TASOR2: variants seen among roughly 807,000 people sequenced by gnomAD.
TASOR2 encodes the protein protein TASOR 2.
Under a neutral mutation model 199.5 loss-of-function variants are expected in TASOR2, and 84 were observed. That is an observed-to-expected ratio of 0.42 (90% confidence interval 0.35 to 0.50). The LOEUF is 0.50. Ranked by LOEUF, TASOR2 falls within the 20% of genes least tolerant of loss-of-function variation. TASOR2 has a pLI of 0.02. For missense variants in TASOR2, 2,796 were observed against 2,835.9 expected, an observed-to-expected ratio of 0.99 and a Z score of 0.32; for synonymous variants, 1,103 against 1,046.6, an observed-to-expected ratio of 1.05 and a Z score of -1.04.
intron 3 of TASOR2, among the ~76,000 whole-genome samples, chr10:5,718,236 A>T (rs72774070): frequency 6.6e-6 from 1 of 151,756 alleles, no homozygotes; most frequent in Non-Finnish European, 1.5e-5. Context: ...TGAATCGTGC[A>T]ATTAGAATTT....
In TASOR2 at chr10:5,719,148, A is replaced by C. The variant is rs1386739838; in HGVS notation, c.-99-1396A>C. On this transcript the variant is annotated intron_variant, in intron 3 of 20. Coordinates refer to ENST00000328090, the Ensembl canonical transcript of TASOR2. The surrounding 1 kb of genome is among the most constrained non-coding windows in gnomAD (Gnocchi z 4.1). The stretch of plus-strand genomic sequence containing the variant: ...AGAGGCAGGACTTAAACAACAACAA[A>C]ACATCTTCTTTTTTAAAAAGTAACT... Among the ~76,000 whole-genome samples the C allele has an allele frequency of 2.0e-5, 3 of 152,064 alleles. No homozygotes were observed. The highest frequency in any genetic ancestry group is 7.2e-5 in the African/African-American group (3 of 41,390).
chr10:5,717,877 C>G (rs1319718364), intron 3 of TASOR2, 127 bp downstream of exon 4: 22 of 397,706 alleles, frequency 5.5e-5, no homozygotes, highest in Non-Finnish European at 9.5e-5. Flanking sequence ...TCAGGAAAAG[C>G]AAAACTATTT....
rs1835682896 is a variant in TASOR2 at position 5,685,295 on chromosome 10, CT to C, written c.-288+124del. On this transcript the variant is annotated intron_variant, in intron 1 of 20. Transcript: ENST00000328090. The surrounding 1 kb of genome is among the most constrained non-coding windows in gnomAD (Gnocchi z 5.4). ...GCGAGGGTCGACGCGTTCTCCTTGC[CT>C]TTTGCCGCGCTCCGGGTGAGGGGGT... 1.3e-5 allele frequency: 5 copies of C among 396,270 alleles called. No homozygotes were observed. The highest frequency in any genetic ancestry group is 2.2e-5 in the Non-Finnish European group (5 of 224,998). 24.5% of individuals were successfully genotyped at this position (396,270 alleles called of 1,614,324 possible).
At chr10:5,763,637 C>T (rs1840208181) in exon 21 of TASOR2, 1 of 151,904 alleles carries the variant, frequency 6.6e-6, no homozygotes, top group Non-Finnish European at 1.5e-5. Context: ...AGTAAACACT[C>T]AAAACCAAGC....
At chr10:5,746,606 T>C in exon 15 of TASOR2, 1 of 1,614,158 alleles carries the variant, frequency 6.2e-7, no homozygotes, top group Non-Finnish European at 8.5e-7. Flanking sequence ...AATGCACATG[T>C]ACCAATACAG....
chr10:5,709,587 T>C, intron 1 of TASOR2: 1 of 1,231,002 alleles, frequency 8.1e-7, no homozygotes, highest in Non-Finnish European at 1.0e-6. Flanking sequence ...GTATACTTGG[T>C]GAAAATGAAT....
rs71388471 is a variant in TASOR2, at chr10:5,717,027, C to CA, written c.-191-614dup. 2.0e-3 allele frequency among the ~76,000 whole-genome samples: 244 copies of CA among 124,660 alleles called. 3 individuals carry two copies. In the East Asian group the frequency reaches 0.027, roughly 14 times the overall value. 81.8% of individuals were successfully genotyped at this position (124,660 alleles called of 152,430 possible). A position where few individuals can be genotyped will look rare whatever the true frequency, so the allele number is the denominator to read the frequency against. On this transcript the variant is annotated intron_variant, in intron 2 of 20. Coordinates refer to ENST00000328090, the Ensembl canonical transcript of TASOR2. ...CAAATAACCACTGCAGCTTACATCTCAAAAAAAAAAAAAAAAAAGACGTTT... is the reference window on the plus strand; with the variant it reads ...CAAATAACCACTGCAGCTTACATCTCAAAAAAAAAAAAAAAAAAAGACGTTT...
exon 10 of TASOR2, chr10:5,727,097 A>G: frequency 5.0e-6 from 8 of 1,614,156 alleles, no homozygotes; most frequent in Non-Finnish European, 6.8e-6. Flanking sequence ...CATGGGTTAC[A>G]TTTATTTCGT....
At chr10:5,709,999 G>A (rs973825986) in intron 1 of TASOR2, among the ~76,000 whole-genome samples, 2 of 152,076 alleles carry the variant, frequency 1.3e-5, no homozygotes, top group Non-Finnish European at 2.9e-5. Context: ...AGGTTTCTTT[G>A]TGGTATAGCC....
In TASOR2 at chr10:5,740,167, A is replaced by G. The variant is rs201010984; in HGVS notation, c.1997A>G (p.Lys666Arg). Residue 666 changes from lysine (K) to arginine (R), a missense_variant, in exon 13 of 21, where the codon AAA becomes AGA. Around this residue, in one of 3 missense-constraint regions of TASOR2, gnomAD observed 847 missense variants for 887.4 expected, o/e 0.95. Coordinates refer to ENST00000328090, the Ensembl canonical transcript of TASOR2. The surrounding 1 kb of genome is among the most constrained non-coding windows in gnomAD (Gnocchi z 5.3). ...CTGCTCCTTACAGAACATTCAAAGA[A>G]ACATCTACAGGAGAGAGAGATACTA... is the stretch of plus-strand genomic sequence containing the variant. The G allele has an allele frequency of 6.0e-4, 970 of 1,614,214 alleles. 3 individuals are homozygous for G. Among genetic ancestry groups the G allele is most frequent in the Middle Eastern group, 1.3e-3 (8 of 6,062 alleles).
chr10:5,758,970 A>G, exon 18 of TASOR2: 1 of 1,613,720 alleles, frequency 6.2e-7, no homozygotes, highest in Non-Finnish European at 8.5e-7. Context: ...CAGGGAAAAT[A>G]AAAAGCTAAA....
At chr10:5,753,835 A>T (rs1838443686) in intron 15 of TASOR2, among the ~76,000 whole-genome samples, 1 of 152,126 alleles carries the variant, frequency 6.6e-6, no homozygotes, top group Non-Finnish European at 1.5e-5. Context: ...GCAATCTGGA[A>T]ATCAGTTTAG....
At chr10:5,688,834 T>C (rs957700614) in intron 1 of TASOR2, among the ~76,000 whole-genome samples, 1 of 150,756 alleles carries the variant, frequency 6.6e-6, no homozygotes, top group African/African-American at 2.5e-5. Context: ...TGAGACCCCA[T>C]CTTTACAAAA....
chr10:5,745,315 T>G (rs1422744650), intron 14 of TASOR2, among the ~76,000 whole-genome samples: 1 of 152,166 alleles, frequency 6.6e-6, no homozygotes, highest in Non-Finnish European at 1.5e-5. Flanking sequence ...TCCAGTTTCA[T>G]GCAAAGAAGA....
chr10:5,753,183 G>A (rs536280637), intron 15 of TASOR2, among the ~76,000 whole-genome samples: 1 of 152,294 alleles, frequency 6.6e-6, no homozygotes, highest in Admixed American at 6.5e-5. Context: ...GACAGTCACT[G>A]CCTTAACGTG....
intron 8 of TASOR2, 74 bp downstream of exon 9, chr10:5,724,607 C>T: frequency 6.1e-6 from 1 of 164,558 alleles, no homozygotes; most frequent in South Asian, 1.0e-4. Context: ...GCCTAGATGG[C>T]ACATATATAT....
At chr10:5,700,151 C>A (rs986955144) in intron 1 of TASOR2, among the ~76,000 whole-genome samples, 1 of 152,030 alleles carries the variant, frequency 6.6e-6, no homozygotes, top group South Asian at 2.1e-4. Context: ...TCATGAAATC[C>A]ACTTTTGTAG....
chr10:5,727,307 A>C (rs143572012), intron 10 of TASOR2, among the ~76,000 whole-genome samples, 184 bp downstream of exon 11: 221 of 152,326 alleles, frequency 1.5e-3, no homozygotes, highest in African/African-American at 5.0e-3. Context: ...TCTGAGCCTC[A>C]GTCCCATATC....
chr10:5,745,625 C>T (rs1338725698), intron 14 of TASOR2, among the ~76,000 whole-genome samples: 4 of 151,798 alleles, frequency 2.6e-5, no homozygotes, highest in Non-Finnish European at 5.9e-5. Context: ...ACTAAAAATA[C>T]AAAAATTAGC....
Sources: gnomAD v4.1 joint callset for allele counts (sites outside exome capture counted in the v4.1 genomes callset) on GRCh38, gnomAD v4.1.1 for gene constraint, gnomAD v4.1.1 regional missense constraint, Gnocchi (gnomAD v3.1) non-coding constraint, MANE v1.5 for transcripts, NCBI Gene and HGNC (gene_info 2026-07-23, HGNC 2026-07-21) for gene names.